Variants in EBF2 observed in about 807,000 individuals in gnomAD.
EBF2 encodes the protein EBF transcription factor 2.
A neutral mutation model predicts 72.8 loss-of-function variants in EBF2; 21 were observed. That is an observed-to-expected ratio of 0.29 (90% CI 0.20 to 0.42). EBF2 has a LOEUF of 0.42. Among genes scored for constraint, EBF2 ranks in the 10% least tolerant of loss-of-function variants. The probability of loss-of-function intolerance (pLI) is 1.00; values close to 1 mark genes in which losing one functional copy is unlikely to be tolerated. For synonymous variants in EBF2, 299 were observed against 274.2 expected, an observed-to-expected ratio of 1.09 and a Z score of -0.89; for missense variants, 637 against 731.2, an observed-to-expected ratio of 0.87 and a Z score of 1.49.
At chr8:25,900,932 AC>A (rs1258131144) in intron 7 of EBF2, among the ~76,000 whole-genome samples, 9 of 152,290 alleles carry the variant, frequency 5.9e-5, no homozygotes, top group African/African-American at 2.2e-4. Context: ...ACAGTTAACA[AC>A]CATGTATTGT....
chr8:25,881,229 G>A (rs542783131), intron 10 of EBF2, among the ~76,000 whole-genome samples: 1 of 152,218 alleles, frequency 6.6e-6, no homozygotes, highest in East Asian at 1.9e-4. Context: ...GGCGCTTGAG[G>A]AAGAGCTGAA....
intron 6 of EBF2, among the ~76,000 whole-genome samples, chr8:25,966,507 C>G (rs1804118196): frequency 6.6e-6 from 1 of 152,140 alleles, no homozygotes; most frequent in African/African-American, 2.4e-5. Flanking sequence ...ACTGTAGATG[C>G]AAGAAGGTAA....
intron 10 of EBF2, among the ~76,000 whole-genome samples, chr8:25,880,948 G>A (rs553319968): frequency 4.5e-4 from 68 of 151,878 alleles, no homozygotes; most frequent in African/African-American, 1.6e-3. Flanking sequence ...AAACATGAGT[G>A]TCGTCCCCTC....
intron 6 of EBF2, among the ~76,000 whole-genome samples, chr8:25,947,758 C>G (rs1341532115): frequency 6.6e-6 from 1 of 152,242 alleles, no homozygotes; most frequent in Admixed American, 6.5e-5. Context: ...TCCTTTCTTC[C>G]CTGCCCAGGT....
At chr8:25,865,029 C>T (rs1204755110) in intron 10 of EBF2, among the ~76,000 whole-genome samples, 1 of 152,120 alleles carries the variant, frequency 6.6e-6, no homozygotes, top group East Asian at 1.9e-4. Context: ...TCCCGAACTC[C>T]TGACCTCGTG....
chr8:25,986,079 A>C (rs55859539), intron 6 of EBF2, among the ~76,000 whole-genome samples: 2,237 of 149,744 alleles, frequency 0.015, 66 homozygotes, highest in African/African-American at 0.053. Flanking sequence ...TGTGACATAG[A>C]CTTAAGATAT....
At chr8:25,890,285 A>C (rs1198705593) in intron 7 of EBF2, among the ~76,000 whole-genome samples, 3 of 152,232 alleles carry the variant, frequency 2.0e-5, no homozygotes, top group Non-Finnish European at 2.9e-5. Flanking sequence ...GGGTTCTTGC[A>C]CTTCAGACAG....
At chr8:25,983,021 A>G (rs1040290665) in intron 6 of EBF2, among the ~76,000 whole-genome samples, 1 of 152,178 alleles carries the variant, frequency 6.6e-6, no homozygotes, top group Non-Finnish European at 1.5e-5. Context: ...AAGCGGTCCA[A>G]TGACTTTCTA....
Position 25,889,734 on chromosome 8 carries a change from G to T in EBF2, c.751+18C>A. 6.3e-7 allele frequency: 1 copy of T among 1,586,164 alleles called. No homozygotes were observed. The highest frequency in any genetic ancestry group is 1.1e-5 in the South Asian group (1 of 90,482). On this transcript the variant is annotated intron_variant, in intron 8 of 15. Coordinates refer to ENST00000520164, the MANE Select transcript of EBF2 (RefSeq NM_022659.4). ...GAGAATTTCATGTGTCTGCTATGCT[G>T]AGCGCAGGCAGCCCTACCTTCCGAT...
chr8:25,924,456 C>G (rs141218057), intron 6 of EBF2, among the ~76,000 whole-genome samples: 2 of 152,198 alleles, frequency 1.3e-5, no homozygotes, highest in African/African-American at 4.8e-5. Context: ...AAGGAGGGCG[C>G]GATGGATGGT....
chr8:26,013,793 A>C (rs1805065728), intron 6 of EBF2, among the ~76,000 whole-genome samples: 2 of 152,178 alleles, frequency 1.3e-5, no homozygotes, highest in Admixed American at 1.3e-4. Flanking sequence ...AGACAGTGTA[A>C]AATTCTCTCC....
At chr8:25,990,823 G>A (rs192826529) in intron 6 of EBF2, among the ~76,000 whole-genome samples, 4 of 152,304 alleles carry the variant, frequency 2.6e-5, no homozygotes, top group Admixed American at 1.3e-4. Flanking sequence ...GCTCTTCTGT[G>A]TATTCTTCCC....
chr8:25,958,081 TAAC>T, intron 6 of EBF2, among the ~76,000 whole-genome samples: 1 of 152,198 alleles, frequency 6.6e-6, no homozygotes, highest in African/African-American at 2.4e-5. Context: ...CCCAGACAGA[TAAC>T]AAACCCGCAC....
intron 6 of EBF2, among the ~76,000 whole-genome samples, chr8:25,923,356 C>A (rs1803335848): frequency 6.6e-6 from 1 of 152,170 alleles, no homozygotes; most frequent in South Asian, 2.1e-4. Context: ...AGCTACAATT[C>A]CACCATTCCT....
rs1805655178 is a variant in EBF2, at chr8:26,044,008, G to T, written c.131+721C>A. On this transcript the variant is annotated intron_variant, in intron 1 of 15. Coordinates refer to ENST00000520164, the MANE Select transcript of EBF2 (RefSeq NM_022659.4). The surrounding 1 kb of genome is among the most constrained non-coding windows in gnomAD (Gnocchi z 4.1). Reference sequence around the variant, plus strand: ...TGGCGATCCCTGAGCCAGTCTAGCTGCTGGTGGCCTTTTCTCGCCTCTTTC... The same window carrying T: ...TGGCGATCCCTGAGCCAGTCTAGCTTCTGGTGGCCTTTTCTCGCCTCTTTC... Among the ~76,000 whole-genome samples, 1 of 152,238 alleles carries T rather than the reference G, an allele frequency of 6.6e-6. No homozygotes were observed. Among genetic ancestry groups the T allele is most frequent in the Non-Finnish European group, 1.5e-5 (1 of 68,046 alleles).
chr8:25,914,138 C>A (rs574998691), intron 6 of EBF2, among the ~76,000 whole-genome samples: 39 of 152,298 alleles, frequency 2.6e-4, no homozygotes, highest in African/African-American at 7.7e-4. Context: ...GGTGGCCACA[C>A]CCATGAGTTC....
In EBF2 at chr8:25,843,770, A is replaced by C. The variant is rs887215778; in HGVS notation, c.*839T>G. The C allele has an allele frequency of 6.6e-6, 1 of 152,248 alleles. No homozygotes were observed. The highest frequency in any genetic ancestry group is 2.4e-5 in the African/African-American group (1 of 41,438). 9.4% of individuals were successfully genotyped at this position (152,248 alleles called of 1,614,324 possible). ...CATGTGCTAGAGTGTCTGTTTCTGC[A>C]TTAGGGTGTTCTGTGGGAATCTACA... On this transcript the variant is annotated 3_prime_UTR_variant, in exon 16 of 16. Transcript: ENST00000520164.
chr8:25,845,970 T>C (rs1052563946), intron 15 of EBF2, among the ~76,000 whole-genome samples: 1 of 152,208 alleles, frequency 6.6e-6, no homozygotes, highest in African/African-American at 2.4e-5. Flanking sequence ...TTACTCTCTC[T>C]GCCCCTTTTT....
intron 6 of EBF2, among the ~76,000 whole-genome samples, chr8:25,994,812 T>C (rs1419095737): frequency 1.3e-5 from 2 of 152,224 alleles, no homozygotes; most frequent in East Asian, 3.9e-4. Context: ...CAAAAAAAAC[T>C]ACCTATGTGT....
Sources: gnomAD v4.1 joint callset for allele counts (sites outside exome capture counted in the v4.1 genomes callset) on GRCh38, gnomAD v4.1.1 for gene constraint, Gnocchi (gnomAD v3.1) non-coding constraint, MANE v1.5 for transcripts, NCBI Gene and HGNC (gene_info 2026-07-23, HGNC 2026-07-21) for gene names.